Variants in DUSP10 observed in about 807,000 individuals in gnomAD.
DUSP10 encodes the protein dual specificity protein phosphatase 10.
A neutral mutation model predicts 30.8 loss-of-function variants in DUSP10; 14 were observed. That is an observed-to-expected ratio of 0.46 (90% CI 0.30 to 0.71). The LOEUF is 0.71. DUSP10 is among the 30% of genes least tolerant of loss of function. The pLI, the probability that DUSP10 is intolerant of heterozygous loss-of-function variation, is 0.08. For missense variants in DUSP10, 550 were observed against 619.4 expected (o/e 0.89, Z 1.19); for synonymous variants, 254 against 250.4 (o/e 1.01, Z -0.14).
chr1:221,706,910 C>A lies in DUSP10; in HGVS notation c.812-444G>T, dbSNP rs981451052. Among the ~76,000 whole-genome samples the A allele has an allele frequency of 2.0e-5, 3 of 152,212 alleles. No individual in the cohort carries two copies. Among genetic ancestry groups the A allele is most frequent in the Non-Finnish European group, 4.4e-5 (3 of 68,036 alleles). ...GCACCACAGGAGCATGTCTTGCACC[C>A]TTCATAGCTCACCTCACCCAGAGGG... On this transcript the variant is annotated intron_variant, in intron 2 of 3. Transcript: ENST00000366899. This position sits in a 1 kb window ranked among gnomAD's most constrained non-coding sequence, Gnocchi z 4.6.
At chr1:221,735,897 A>C (rs1484512535) in intron 2 of DUSP10, among the ~76,000 whole-genome samples, 1 of 152,224 alleles carries the variant, frequency 6.6e-6, no homozygotes. Context: ...GTTGATTAAA[A>C]ATCAGCTTTG....
At chr1:221,708,702 TA>T (rs924763082) in intron 2 of DUSP10, among the ~76,000 whole-genome samples, 1 of 152,086 alleles carries the variant, frequency 6.6e-6, no homozygotes, top group Non-Finnish European at 1.5e-5. Context: ...AGTGAAGACT[TA>T]AAAAATAAAT....
intron 2 of DUSP10, among the ~76,000 whole-genome samples, chr1:221,727,231 C>A (rs931551611): frequency 1.3e-5 from 2 of 152,140 alleles, no homozygotes; most frequent in African/African-American, 4.8e-5. Context: ...CCGGCTCATT[C>A]AATTAGTCAC....
intron 2 of DUSP10, among the ~76,000 whole-genome samples, chr1:221,710,864 CT>C: frequency 6.6e-6 from 1 of 152,004 alleles, no homozygotes; most frequent in Non-Finnish European, 1.5e-5. Flanking sequence ...GGCTAACTTC[CT>C]TATGTGCACA....
At chr1:221,741,568 C>G (rs1661955714) in intron 1 of DUSP10, among the ~76,000 whole-genome samples, 1 of 152,170 alleles carries the variant, frequency 6.6e-6, no homozygotes, top group East Asian at 1.9e-4. Flanking sequence ...TAGGCAAGAG[C>G]TGGAGAGAAA....
At chr1:221,720,456 T>C (rs1320379339) in intron 2 of DUSP10, among the ~76,000 whole-genome samples, 13 of 152,234 alleles carry the variant, frequency 8.5e-5, no homozygotes. Context: ...TTATAATAAA[T>C]GTGTAAACAC....
intron 2 of DUSP10, among the ~76,000 whole-genome samples, chr1:221,722,557 T>A (rs113077200): frequency 1.7e-4 from 26 of 152,244 alleles, no homozygotes; most frequent in African/African-American, 6.3e-4. Context: ...TTGATTTCTT[T>A]TTGAAAGAGG....
At position 221,739,773 on chromosome 1, in the gene DUSP10, A is replaced by G. The variant is rs1571836382; in HGVS notation, c.-29T>C. The G allele has an allele frequency of 1.9e-6, 3 of 1,547,320 alleles. No individual in the cohort carries two copies. The highest frequency in any genetic ancestry group is 4.5e-5 in the East Asian group (2 of 44,330). On this transcript the variant is annotated 5_prime_UTR_variant, in exon 2 of 4. Coordinates refer to ENST00000366899, the MANE Select transcript of DUSP10 (RefSeq NM_007207.6). ...GAGGCTGAAAACTGGCAATTCAAGA[A>G]GAACTCAAGACAGTCTGTAAAGAAG...
intron 3 of DUSP10, among the ~76,000 whole-genome samples, chr1:221,705,218 T>C (rs1043414400): frequency 1.3e-5 from 2 of 151,704 alleles, no homozygotes; most frequent in Non-Finnish European, 2.9e-5. Context: ...CAAGCGATTC[T>C]CCTGCCTCAG....
chr1:221,718,455 A>C (rs1661183085), intron 2 of DUSP10, among the ~76,000 whole-genome samples: 1 of 152,192 alleles, frequency 6.6e-6, no homozygotes, highest in Non-Finnish European at 1.5e-5. Context: ...GACGGATTAA[A>C]GGAGGGGGAA....
intron 3 of DUSP10, among the ~76,000 whole-genome samples, chr1:221,704,316 T>TAAA (rs10543773): frequency 7.4e-6 from 1 of 134,362 alleles, no homozygotes. Flanking sequence ...TTGTTTTCCT[T>TAAA]AAAAAAAAAA....
chr1:221,707,056 C>A (rs114958960), intron 2 of DUSP10, among the ~76,000 whole-genome samples: 1 of 152,324 alleles, frequency 6.6e-6, no homozygotes, highest in African/African-American at 2.4e-5. Context: ...TCATTTATCT[C>A]TGTGCTTCAG....
intron 2 of DUSP10, among the ~76,000 whole-genome samples, chr1:221,725,065 A>C (rs964959305): frequency 6.6e-6 from 1 of 152,156 alleles, no homozygotes; most frequent in African/African-American, 2.4e-5. Context: ...AGGGGGAAGA[A>C]AAACTGCAGA....
intron 2 of DUSP10, among the ~76,000 whole-genome samples, chr1:221,714,128 C>A (rs1457201604): frequency 6.6e-6 from 1 of 152,100 alleles, no homozygotes; most frequent in Non-Finnish European, 1.5e-5. Flanking sequence ...ATAGTCTTTT[C>A]TTTGGATTGT....
At position 221,739,724 on chromosome 1, in the gene DUSP10, G is replaced by T. The variant is rs546322180; in HGVS notation, c.21C>A (p.Asp7Glu). The T allele has an allele frequency of 6.2e-7, 1 of 1,600,130 alleles. No individual in the cohort carries two copies. The highest frequency in any genetic ancestry group is 8.5e-7 in the Non-Finnish European group (1 of 1,171,156). Residue 7 changes from aspartate to glutamate, a missense_variant, in exon 2 of 4, where the codon GAC (aspartate) becomes GAA (glutamate). By Grantham distance (45) the Asp-to-Glu change is conservative. Coordinates refer to ENST00000366899, the MANE Select transcript of DUSP10 (RefSeq NM_007207.6). Reference protein sequence around the residue: MPPSPLDDRVVVALSRP... With the variant: MPPSPLEDRVVVALSRP... ...TAGATAGTGCCACTACTACCCTGTCGTCTAAAGGAGACGGAGGCATGAGGA... is the reference window on the plus strand; with the variant it reads ...TAGATAGTGCCACTACTACCCTGTCTTCTAAAGGAGACGGAGGCATGAGGA...
intron 1 of DUSP10, among the ~76,000 whole-genome samples, chr1:221,740,478 C>T (rs1661920812): frequency 1.3e-5 from 2 of 152,296 alleles, no homozygotes; most frequent in Non-Finnish European, 2.9e-5. Flanking sequence ...CCCCTTTTCA[C>T]TACTAACTGG....
chr1:221,702,542 C>A lies in DUSP10; in HGVS notation c.1319G>T (p.Gly440Val), dbSNP rs779892542. The change falls in exon 4 of 4, where the codon GGC becomes GTC. Residue 440 changes from glycine (G) to valine (V), a missense_variant. Transcript: ENST00000366899. The surrounding 1 kb of genome is among the most constrained non-coding windows in gnomAD (Gnocchi z 4.5). ...GTTTGGGGAGATAATTGGTCGTTTGCCTTTGACAAATTTATAAGCATCAGT... is the reference window on the plus strand; with the variant it reads ...GTTTGGGGAGATAATTGGTCGTTTGACTTTGACAAATTTATAAGCATCAGT... ...TMTDAYKFVK[G>V]KRPIISPNLN... is the part of the protein sequence containing the mutation. 6.2e-7 allele frequency: 1 copy of A among 1,614,140 alleles called. No individual in the cohort carries two copies. The highest frequency in any genetic ancestry group is 1.1e-5 in the South Asian group (1 of 91,084).
Position 221,702,334 on chromosome 1 carries a change from A to AG in DUSP10, c.*77dup. ...CTCCCAACTACAAAAAAAAAAAGAA[A>AG]GAAAAAAAACCAGAATCCATCCTCC... On this transcript the variant is annotated 3_prime_UTR_variant, in exon 4 of 4. Transcript: ENST00000366899. The surrounding 1 kb of genome is among the most constrained non-coding windows in gnomAD (Gnocchi z 4.5). The AG allele has an allele frequency of 6.6e-7, 1 of 1,512,274 alleles. No homozygotes were observed. The highest frequency in any genetic ancestry group is 8.9e-7 in the Non-Finnish European group (1 of 1,128,256). 93.7% of individuals were successfully genotyped at this position (1,512,274 alleles called of 1,614,324 possible).
At chr1:221,737,003 G>C (rs1661795054) in intron 2 of DUSP10, 1 of 985,530 alleles carries the variant, frequency 1.0e-6, no homozygotes, top group Non-Finnish European at 1.2e-6. Flanking sequence ...TGAGGAAGAA[G>C]TCTAGGCTGT....
Sources: allele counts gnomAD v4.1 joint callset (sites outside exome capture counted in the v4.1 genomes callset), GRCh38; gene constraint gnomAD v4.1.1; non-coding constraint Gnocchi (gnomAD v3.1); transcripts MANE v1.5; gene names NCBI Gene and HGNC (gene_info 2026-07-23, HGNC 2026-07-21).